Variants in MYH15 observed in about 807,000 individuals in gnomAD.
MYH15 encodes myosin-15.
Under a neutral mutation model 240.5 loss-of-function variants are expected in MYH15, and 227 were observed. The observed-to-expected ratio is 0.94, with a 90% CI of 0.85 to 1.05. MYH15 has a LOEUF of 1.05. Ranked by LOEUF, MYH15 falls within the 50% of genes least tolerant of loss-of-function variation. The pLI is 0.00. For synonymous variants in MYH15, 785 were observed against 796.7 expected (o/e 0.99, Z 0.25); for missense variants, 2,217 against 2,247.5 (o/e 0.99, Z 0.27).
At chr3:108,499,223 A>T (rs1274795650) in intron 5 of MYH15, among the ~76,000 whole-genome samples, 1 of 152,160 alleles carries the variant, frequency 6.6e-6, no homozygotes, top group East Asian at 1.9e-4. Flanking sequence ...CTATTTCTAA[A>T]GGATCTCTGA....
intron 33 of MYH15, among the ~76,000 whole-genome samples, chr3:108,404,666 T>G (rs1322648415): frequency 1.3e-5 from 2 of 152,212 alleles, no homozygotes; most frequent in Non-Finnish European, 2.9e-5. Flanking sequence ...GAGTCCTGTC[T>G]AATTCAGTTT....
At chr3:108,449,070 T>C (rs1434262165) in intron 21 of MYH15, among the ~76,000 whole-genome samples, 2 of 151,980 alleles carry the variant, frequency 1.3e-5, no homozygotes, top group African/African-American at 2.4e-5. Context: ...TTGAAAACTA[T>C]AAAACATTGA....
At chr3:108,463,522 T>G (rs1424167615) in intron 15 of MYH15, among the ~76,000 whole-genome samples, 1 of 151,978 alleles carries the variant, frequency 6.6e-6, no homozygotes, top group Non-Finnish European at 1.5e-5. Context: ...TGTGTGGAGA[T>G]TTGGTTTCCA....
At chr3:108,483,159 C>A (rs2083279763) in intron 11 of MYH15, among the ~76,000 whole-genome samples, 1 of 151,296 alleles carries the variant, frequency 6.6e-6, no homozygotes, top group African/African-American at 2.4e-5. Flanking sequence ...GATATTGCCC[C>A]CCTGTACTCC....
chr3:108,485,118 C>T lies in MYH15; in HGVS notation c.1087G>A (p.Glu363Lys). Residue 363 changes from glutamate to lysine, a missense_variant, in exon 11 of 41, where the codon GAG (glutamate) becomes AAG (lysine). Physicochemically the swap from Glu to Lys is moderately conservative, Grantham distance 56. Coordinates refer to ENST00000693548, the MANE Select transcript of MYH15 (RefSeq NM_014981.3). ...NMKFKQKPRE[E>K]QLEADGTENA... ...TCTGTGCCATCTGCTTCCAGTTGCTCTTCTCTAGGTTTCTGTTTAAATTTC... is the reference window on the plus strand; with the variant it reads ...TCTGTGCCATCTGCTTCCAGTTGCTTTTCTCTAGGTTTCTGTTTAAATTTC... 3 of 1,614,052 alleles carry T rather than the reference C, an allele frequency of 1.9e-6. No homozygotes were observed. Among genetic ancestry groups the T allele is most frequent in the Non-Finnish European group, 2.5e-6 (3 of 1,179,948 alleles).
intron 31 of MYH15, among the ~76,000 whole-genome samples, chr3:108,408,942 T>A (rs374009165): frequency 7.2e-5 from 11 of 152,202 alleles, no homozygotes; most frequent in African/African-American, 2.7e-4. Context: ...TGAGTGTTTT[T>A]TCCTAGCCTC....
At chr3:108,461,802 C>T (rs951785812) in intron 16 of MYH15, 1 of 152,204 alleles carries the variant, frequency 6.6e-6, no homozygotes, top group Admixed American at 6.6e-5. Flanking sequence ...ATTATGTCAT[C>T]ATGTGCTGAT....
At chr3:108,435,245 G>A (rs2082821200) in intron 25 of MYH15, among the ~76,000 whole-genome samples, 1 of 152,074 alleles carries the variant, frequency 6.6e-6, no homozygotes. Flanking sequence ...ACTTGTTCAA[G>A]AAGACTTATC....
intron 31 of MYH15, 36 bp downstream of exon 31, chr3:108,410,547 C>G: frequency 6.8e-7 from 1 of 1,468,222 alleles, no homozygotes; most frequent in Non-Finnish European, 9.2e-7. Context: ...CTGAGCTACC[C>G]GCTCTGGCTT....
the MYH15 span, among the ~76,000 whole-genome samples, chr3:108,535,403 G>A: frequency 2.0e-5 from 3 of 152,054 alleles, no homozygotes; most frequent in African/African-American, 7.2e-5. Context: ...TGTGGTGGGG[G>A]GGCATAGGTC....
At chr3:108,452,185 T>C (rs1227501567) in intron 21 of MYH15, among the ~76,000 whole-genome samples, 1 of 152,158 alleles carries the variant, frequency 6.6e-6, no homozygotes, top group African/African-American at 2.4e-5. Flanking sequence ...TTTGGCAACA[T>C]CTTGCAAAAT....
Position 108,439,748 on chromosome 3 carries a change from G to T in MYH15, c.3064C>A (p.Gln1022Lys), listed in dbSNP as rs776345232. The T allele has an allele frequency of 6.2e-7, 1 of 1,602,134 alleles. No homozygotes were observed. The highest frequency in any genetic ancestry group is 2.2e-5 in the East Asian group (1 of 44,488). ...ACACCGTTACTGACCTCATCAACTTGCTGTTCCAGCTTCAGATTTGCTTTG... is the reference window on the plus strand; with the variant it reads ...ACACCGTTACTGACCTCATCAACTTTCTGTTCCAGCTTCAGATTTGCTTTG... ...LSKANLKLEQ[Q>K]VDELEGALEQ... Residue 1022 changes from glutamine to lysine, a missense_variant, in exon 24 of 41, where the codon CAA (glutamine) becomes AAA (lysine). Gln to Lys is a moderately conservative substitution (Grantham distance 53). Transcript: ENST00000693548.
chr3:108,544,046 A>G, the MYH15 span, among the ~76,000 whole-genome samples: 5 of 152,294 alleles, frequency 3.3e-5, no homozygotes, highest in African/African-American at 9.6e-5. Context: ...TATTCTCTAC[A>G]GTTTTCAGAA....
chr3:108,460,190 G>T, intron 17 of MYH15, 110 bp downstream of exon 17: 3 of 965,998 alleles, frequency 3.1e-6, no homozygotes, highest in Non-Finnish European at 4.5e-6. Context: ...TTTCCAACTT[G>T]CTAGCTCCTG....
rs546021448 is a variant in MYH15, at chr3:108,486,541, C to T, written c.872-15G>A. 1.5e-5 allele frequency: 23 copies of T among 1,563,004 alleles called. 1 individual carries two copies. Among genetic ancestry groups the T allele is most frequent in the East Asian group, 4.5e-5 (2 of 44,384 alleles). On this transcript the variant is annotated splice_polypyrimidine_tract_variant and intron_variant, in intron 9 of 40. Coordinates refer to ENST00000693548, the MANE Select transcript of MYH15 (RefSeq NM_014981.3). Reference sequence around the variant, plus strand: ...CAGGAGCAGGTCTAGAGTGGGAAAACGATTCGTTAAACAGCTTAAAGAAAT... The same window carrying T: ...CAGGAGCAGGTCTAGAGTGGGAAAATGATTCGTTAAACAGCTTAAAGAAAT...
chr3:108,469,401 C>T (rs1397413295), intron 14 of MYH15, among the ~76,000 whole-genome samples: 1 of 152,156 alleles, frequency 6.6e-6, no homozygotes, highest in Non-Finnish European at 1.5e-5. Flanking sequence ...ACAGAAAGGA[C>T]CATACGTAAT....
chr3:108,401,127 T>A (rs2082500844), intron 33 of MYH15, among the ~76,000 whole-genome samples: 1 of 152,112 alleles, frequency 6.6e-6, no homozygotes, highest in South Asian at 2.1e-4. Flanking sequence ...TAGGTAAAGT[T>A]AATATGGACT....
At chr3:108,509,664 A>C (rs1437242512) in intron 1 of MYH15, among the ~76,000 whole-genome samples, 1 of 152,218 alleles carries the variant, frequency 6.6e-6, no homozygotes, top group Non-Finnish European at 1.5e-5. Flanking sequence ...ATAATTTTGG[A>C]TTAAGACATG....
chr3:108,486,490 T>A lies in MYH15; in HGVS notation c.908A>T (p.His303Leu), dbSNP rs895810750. ...AGTAACTGCTCCACAGGAGCAAAAG[T>A]GGAAGTCTGAGGGATTTGCAGATAC... ...LLVSANPSDF[H>L]FCSCGAVTVE... Residue 303 changes from histidine to leucine, a missense_variant, in exon 10 of 41, where the codon CAC (histidine) becomes CTC (leucine). By Grantham distance (99) the His-to-Leu change is moderately conservative (BLOSUM62 -3). Transcript: ENST00000693548. 10 of 1,612,402 alleles carry A rather than the reference T, an allele frequency of 6.2e-6. No individual in the cohort carries two copies. Among genetic ancestry groups the A allele is most frequent in the Non-Finnish European group, 8.5e-6 (10 of 1,178,916 alleles).
Sources: allele counts gnomAD v4.1 joint callset (sites outside exome capture counted in the v4.1 genomes callset), GRCh38; gene constraint gnomAD v4.1.1; transcripts MANE v1.5; gene names NCBI Gene and HGNC (gene_info 2026-07-23, HGNC 2026-07-21).